HTN3: variants seen among roughly 807,000 people sequenced by gnomAD.
HTN3 encodes the protein histatin-3.
In HTN3, 15 loss-of-function variants were observed where a neutral mutation model predicts 10.6. The ratio of observed to expected loss-of-function variants is 1.42; its 90% confidence interval spans 0.95 to 2.18. The LOEUF is 2.18. HTN3 is among the 30% of genes most tolerant of loss of function. The probability of loss-of-function intolerance (pLI) is 0.00; values close to 1 mark genes in which losing one functional copy is unlikely to be tolerated. For synonymous variants in HTN3, 15 were observed against 16.9 expected, an observed-to-expected ratio of 0.89 and a Z score of 0.27; for missense variants, 68 against 58.0, an observed-to-expected ratio of 1.17 and a Z score of -0.56.
In HTN3 at chr4:70,031,961, A is replaced by AT. The variant is rs1287410055; in HGVS notation, c.52-14dup. On this transcript the variant is annotated splice_polypyrimidine_tract_variant and intron_variant, in intron 2 of 5. Transcript: ENST00000673563. ...AAATTAAGATATTAATTATTTTCTCATTTTCTTCTTTTCCAAGGGAGCTGA... is the reference window on the plus strand; with the variant it reads ...AAATTAAGATATTAATTATTTTCTCATTTTTCTTCTTTTCCAAGGGAGCTGA... The AT allele has an allele frequency of 2.0e-6, 3 of 1,507,136 alleles. No homozygotes were observed. Among genetic ancestry groups the AT allele is most frequent in the East Asian group, 2.3e-5 (1 of 43,896 alleles). 93.4% of individuals were successfully genotyped at this position (1,507,136 alleles called of 1,614,324 possible). A position where few individuals can be genotyped will look rare whatever the true frequency, so the allele number is the denominator to read the frequency against.
At chr4:70,031,598 G>A (rs1725383148) in intron 2 of HTN3, among the ~76,000 whole-genome samples, 1 of 152,080 alleles carries the variant, frequency 6.6e-6, no homozygotes, top group Non-Finnish European at 1.5e-5. Context: ...CACAATGCCT[G>A]TCTCTATCAG....
rs1467527073 is a variant in HTN3, at chr4:70,028,490, C to T, written c.-40C>T. ...TGAGACTTCACTTCAGCTTCACTGA[C>T]TTCTGGATTCTCCTCTTGAGTAAAA... On this transcript the variant is annotated 5_prime_UTR_variant, in exon 1 of 6. Transcript: ENST00000673563. 1 of 152,190 alleles carries T rather than the reference C, an allele frequency of 6.6e-6. No individual in the cohort carries two copies. Among genetic ancestry groups the T allele is most frequent in the Non-Finnish European group, 1.5e-5 (1 of 68,042 alleles). The allele number at this position is 152,190 out of a possible 1,614,324, so 9.4% of individuals were successfully genotyped here.
rs1210932211 is a variant in HTN3, at chr4:70,033,148, T to C, written c.103-19T>C. On this transcript the variant is annotated intron_variant, in intron 4 of 5. Transcript: ENST00000673563. ...CCTCTATTCTCTGCAATTTGCTCTC[T>C]CCTTTTGTGTGTATGCAGGAAAAGC... 8.8e-6 allele frequency: 14 copies of C among 1,594,078 alleles called. No homozygotes were observed. The highest frequency in any genetic ancestry group is 1.2e-5 in the Non-Finnish European group (14 of 1,165,354).
At chr4:70,033,423 A>C (rs1161272503) in intron 5 of HTN3, 170 bp downstream of exon 5, 3 of 481,252 alleles carry the variant, frequency 6.2e-6, no homozygotes, top group Non-Finnish European at 1.1e-5. Context: ...GACTTTGTAG[A>C]TATGTGGTGT....
chr4:70,029,440 A>T (rs1332877245), intron 1 of HTN3, among the ~76,000 whole-genome samples: 1 of 152,062 alleles, frequency 6.6e-6, no homozygotes, highest in Admixed American at 6.5e-5. Flanking sequence ...GCTTTCTGTG[A>T]TAGAGATGTA....
At chr4:70,032,718 T>G (rs1725414447) in intron 4 of HTN3, among the ~76,000 whole-genome samples, 1 of 152,068 alleles carries the variant, frequency 6.6e-6, no homozygotes, top group Non-Finnish European at 1.5e-5. Context: ...CTGTTTGTGT[T>G]AACAGCAGTG....
intron 1 of HTN3, among the ~76,000 whole-genome samples, chr4:70,029,059 C>T (rs1240216494): frequency 6.6e-6 from 1 of 151,776 alleles, no homozygotes; most frequent in African/African-American, 2.4e-5. Context: ...CATTTTCATT[C>T]ATTTGTGTTA....
In HTN3 at chr4:70,030,794, A is replaced by G. The variant is rs779956087; in HGVS notation, c.51+3A>G. 20 of 1,608,512 alleles carry G rather than the reference A, an allele frequency of 1.2e-5. No homozygotes were observed. The highest frequency in any genetic ancestry group is 1.5e-5 in the Non-Finnish European group (18 of 1,175,220). ...TGGCTCTCATGCTTTCCATGACTGT[A>G]AGTATATCTGGAAGTTTTAAAGGAT... On this transcript the variant is annotated splice_donor_region_variant and intron_variant, in intron 2 of 5. Coordinates refer to ENST00000673563, the MANE Select transcript of HTN3 (RefSeq NM_000200.3).
chr4:70,035,551 A>C (rs1002219646), intron 5 of HTN3, among the ~76,000 whole-genome samples: 7 of 152,188 alleles, frequency 4.6e-5, no homozygotes, highest in African/African-American at 1.7e-4. Flanking sequence ...TGAGAAATTT[A>C]CGTTTTATGC....
chr4:70,034,557 A>T (rs940832540), intron 5 of HTN3: 2 of 152,178 alleles, frequency 1.3e-5, no homozygotes, highest in Admixed American at 6.5e-5. Context: ...GAAACGATAG[A>T]TGATGGCTAG....
chr4:70,031,919 C>T, intron 2 of HTN3, 60 bp from the exon 3 acceptor site: 1 of 1,187,384 alleles, frequency 8.4e-7, no homozygotes, highest in Non-Finnish European at 1.2e-6. Context: ...AATTTTTACA[C>T]ATATTCTTGA....
intron 1 of HTN3, among the ~76,000 whole-genome samples, chr4:70,029,539 A>G (rs181466712): frequency 1.2e-3 from 176 of 150,918 alleles, no homozygotes; most frequent in Non-Finnish European, 1.8e-3. Flanking sequence ...AAGAGAGATT[A>G]GAAAAATTTT....
intron 5 of HTN3, among the ~76,000 whole-genome samples, chr4:70,035,232 G>T (rs1725485720): frequency 6.6e-6 from 1 of 152,208 alleles, no homozygotes; most frequent in Non-Finnish European, 1.5e-5. Context: ...AAGAGACAGA[G>T]TTCTGGGTAG....
chr4:70,030,203 A>G (rs1175029466), intron 1 of HTN3, among the ~76,000 whole-genome samples: 1 of 152,080 alleles, frequency 6.6e-6, no homozygotes, highest in Non-Finnish European at 1.5e-5. Flanking sequence ...TACTCATTCC[A>G]TATAATCCAA....
chr4:70,035,033 G>T (rs1725481148), intron 5 of HTN3, among the ~76,000 whole-genome samples: 1 of 152,136 alleles, frequency 6.6e-6, no homozygotes. Context: ...CACACACCAG[G>T]GATGGGGGGT....
chr4:70,033,860 A>C (rs1245887074), intron 5 of HTN3: 2 of 151,984 alleles, frequency 1.3e-5, no homozygotes, highest in Non-Finnish European at 2.9e-5. Context: ...GTATTTTATT[A>C]TCTTTGTTGC....
intron 1 of HTN3, among the ~76,000 whole-genome samples, chr4:70,029,641 T>G (rs1219611838): frequency 6.6e-6 from 1 of 152,194 alleles, no homozygotes; most frequent in African/African-American, 2.4e-5. Flanking sequence ...AATTGTATTT[T>G]CCAGTGGAAA....
At chr4:70,032,437 C>T (rs1725406882) in intron 4 of HTN3, among the ~76,000 whole-genome samples, 1 of 151,976 alleles carries the variant, frequency 6.6e-6, no homozygotes, top group Admixed American at 6.6e-5. Flanking sequence ...TGAAGTATAA[C>T]ATATGCCTAA....
chr4:70,030,760 C>A lies in HTN3; in HGVS notation c.20C>A (p.Ala7Asp). The change falls in exon 2 of 6, where the codon GCT becomes GAT. Residue 7 changes from alanine to aspartate, a missense_variant. Coordinates refer to ENST00000673563, the MANE Select transcript of HTN3 (RefSeq NM_000200.3). ...CCAACTATGAAGTTTTTTGTTTTTG[C>A]TTTAATCTTGGCTCTCATGCTTTCC... MKFFVF[A>D]LILALMLSMT... 1 of 1,612,382 alleles carries A rather than the reference C, an allele frequency of 6.2e-7. No homozygotes were observed. Among genetic ancestry groups the A allele is most frequent in the Non-Finnish European group, 8.5e-7 (1 of 1,178,726 alleles).
Sources: allele counts gnomAD v4.1 joint callset (sites outside exome capture counted in the v4.1 genomes callset), GRCh38; gene constraint gnomAD v4.1.1; transcripts MANE v1.5; gene names NCBI Gene and HGNC (gene_info 2026-07-23, HGNC 2026-07-21).